Variants in MED27 observed in about 807,000 individuals in gnomAD.
The protein encoded by MED27 is mediator complex subunit 27.
In MED27, 30 loss-of-function variants were observed where a neutral mutation model predicts 38.2. That is an observed-to-expected ratio of 0.79 (90% CI 0.59 to 1.07). The LOEUF is 1.07. Ranked by LOEUF, MED27 falls within the 50% of genes least tolerant of loss-of-function variation. The pLI is 0.00. For missense variants in MED27, 289 were observed against 397.5 expected, an observed-to-expected ratio of 0.73 and a Z score of 2.32; for synonymous variants, 122 against 153.5, an observed-to-expected ratio of 0.79 and a Z score of 1.52.
At chr9:131,923,401 G>C (rs1188792706) in intron 4 of MED27, among the ~76,000 whole-genome samples, 1 of 152,086 alleles carries the variant, frequency 6.6e-6, no homozygotes, top group Non-Finnish European at 1.5e-5. Context: ...TGAAAAACCA[G>C]CCAACCAACT....
In MED27 at chr9:131,944,361, C is replaced by T. The variant is rs552996248; in HGVS notation, c.480-4887G>A. ...GGCAACCCCTTGCATTGCCTGACGT[C>T]TGATTGTTTCAAATCCACTTACTAG... On this transcript the variant is annotated intron_variant, in intron 3 of 7. Transcript: ENST00000292035. Among the ~76,000 whole-genome samples, 68 of 152,238 alleles carry T rather than the reference C, an allele frequency of 4.5e-4. No homozygotes were observed. In the South Asian group the frequency reaches 0.014, roughly 32 times the overall value.
chr9:132,047,821 G>A (rs1404360078), intron 2 of MED27, among the ~76,000 whole-genome samples: 2 of 152,156 alleles, frequency 1.3e-5, no homozygotes, highest in Non-Finnish European at 2.9e-5. Context: ...GAAACAGGGT[G>A]AGGCTAGTTT....
Position 131,872,651 on chromosome 9 carries a change from C to T in MED27, c.724-9511G>A, listed in dbSNP as rs1290042907. Among the ~76,000 whole-genome samples the T allele has an allele frequency of 6.6e-6, 1 of 151,218 alleles. No individual in the cohort carries two copies. Among genetic ancestry groups the T allele is most frequent in the African/African-American group, 2.5e-5 (1 of 40,560 alleles). ...TCCCTGCTGGCCCTCGGTAGAAGAG[C>T]GTGGGGAGGCTGGGGTGGGGCTGGG... On this transcript the variant is annotated intron_variant, in intron 6 of 7. Transcript: ENST00000292035. The surrounding 1 kb of genome is among the most constrained non-coding windows in gnomAD (Gnocchi z 5.6).
In MED27 at chr9:132,079,836, G is replaced by A; in HGVS notation, c.9C>T (p.Asp3=). Residue 3 remains aspartate (D), a synonymous_variant, in exon 1 of 8, where the codon GAC becomes GAT. Transcript: ENST00000292035. MA[D]VINVSVNLEA... is the part of the protein sequence containing the mutation. The stretch of plus-strand genomic sequence containing the variant: ...CCAGGTTCACACTGACATTTATCAC[G>A]TCCGCCATGTTGCCGCCGCCACAGC... The A allele has an allele frequency of 1.9e-6, 3 of 1,585,918 alleles. No individual in the cohort carries two copies. Among genetic ancestry groups the A allele is most frequent in the Non-Finnish European group, 1.7e-6 (2 of 1,165,700 alleles).
chr9:131,867,251 G>A (rs910052475), intron 6 of MED27, among the ~76,000 whole-genome samples: 2 of 152,140 alleles, frequency 1.3e-5, no homozygotes, highest in Non-Finnish European at 2.9e-5. Flanking sequence ...TGAAAGGAGT[G>A]GGGACTGCGG....
At chr9:132,049,583 C>T (rs959612168) in intron 2 of MED27, among the ~76,000 whole-genome samples, 1 of 152,130 alleles carries the variant, frequency 6.6e-6, no homozygotes, top group Non-Finnish European at 1.5e-5. Flanking sequence ...AAGGGACAGG[C>T]TGGCAAGGTC....
chr9:131,933,175 A>G (rs114770510), intron 4 of MED27, among the ~76,000 whole-genome samples: 3,044 of 152,286 alleles, frequency 0.02, 109 homozygotes, highest in African/African-American at 0.069. Flanking sequence ...GAATGGGGAA[A>G]AAATGAAAGC....
chr9:131,911,193 G>T (rs541803556), intron 4 of MED27, among the ~76,000 whole-genome samples: 3 of 152,182 alleles, frequency 2.0e-5, no homozygotes, highest in Admixed American at 6.5e-5. Flanking sequence ...TATTAAGGAT[G>T]AGCAAGTGAT....
At chr9:131,971,240 GA>G (rs1284336865) in intron 3 of MED27, among the ~76,000 whole-genome samples, 2 of 152,224 alleles carry the variant, frequency 1.3e-5, no homozygotes, top group Non-Finnish European at 2.9e-5. Flanking sequence ...ATGCTGGGAA[GA>G]AGGACACCTG....
chr9:131,988,966 C>T (rs1446344570), intron 3 of MED27, among the ~76,000 whole-genome samples: 2 of 152,184 alleles, frequency 1.3e-5, no homozygotes, highest in African/African-American at 4.8e-5. Context: ...TTTACTTTAA[C>T]CAAGTGCAGA....
chr9:131,918,062 T>C (rs969499282), intron 4 of MED27, among the ~76,000 whole-genome samples: 1 of 152,220 alleles, frequency 6.6e-6, no homozygotes, highest in African/African-American at 2.4e-5. Flanking sequence ...GAGGTGGAAT[T>C]GCCTTCTCCA....
intron 6 of MED27, among the ~76,000 whole-genome samples, chr9:131,881,870 T>A (rs1049973752): frequency 7.2e-6 from 1 of 139,466 alleles, no homozygotes; most frequent in Non-Finnish European, 1.5e-5. Flanking sequence ...AGTGGCTCAC[T>A]GCAACCTCCC....
chr9:131,863,306 G>T (rs1315733240), intron 6 of MED27, among the ~76,000 whole-genome samples, 166 bp from the exon 7 acceptor site: 1 of 152,204 alleles, frequency 6.6e-6, no homozygotes, highest in Non-Finnish European at 1.5e-5. Flanking sequence ...CAGAGTTGGG[G>T]ACCCAGAGGG....
At position 131,883,925 on chromosome 9, in the gene MED27, G is replaced by T; in HGVS notation, c.723+133C>A. The T allele has an allele frequency of 1.4e-6, 1 of 725,220 alleles. No individual in the cohort carries two copies. The allele number at this position is 725,220 out of a possible 1,614,324, so 44.9% of individuals were successfully genotyped here. On this transcript the variant is annotated intron_variant, in intron 6 of 7. Transcript: ENST00000292035. This position sits in a 1 kb window ranked among gnomAD's most constrained non-coding sequence, Gnocchi z 4.2. ...CCAGAATGTCATACATATGGAATCA[G>T]ACAGTGAGCATCCTTTTCTGTCTGG...
At chr9:132,025,949 G>C (rs1173810750) in intron 2 of MED27, among the ~76,000 whole-genome samples, 1 of 152,170 alleles carries the variant, frequency 6.6e-6, no homozygotes, top group Non-Finnish European at 1.5e-5. Flanking sequence ...AGAAAAGATA[G>C]ACAAGTCAAA....
intron 3 of MED27, among the ~76,000 whole-genome samples, chr9:132,001,113 G>GA (rs963263220): frequency 2.0e-5 from 3 of 149,594 alleles, no homozygotes; most frequent in South Asian, 2.1e-4. Flanking sequence ...GAGAAAAAAA[G>GA]AAAAAAAAAG....
At chr9:131,876,609 GC>G (rs1838937365) in intron 6 of MED27, among the ~76,000 whole-genome samples, 1 of 152,142 alleles carries the variant, frequency 6.6e-6, no homozygotes, top group Non-Finnish European at 1.5e-5. Flanking sequence ...GACCCTCCCT[GC>G]GGCTCTCAGC....
At chr9:131,960,244 C>A (rs1831187997) in intron 3 of MED27, among the ~76,000 whole-genome samples, 2 of 152,096 alleles carry the variant, frequency 1.3e-5, no homozygotes, top group Admixed American at 6.6e-5. Context: ...ATTTCAGACA[C>A]CCACTCTTGT....
chr9:131,909,768 A>T (rs1830154528), intron 4 of MED27, among the ~76,000 whole-genome samples: 1 of 152,194 alleles, frequency 6.6e-6, no homozygotes, highest in African/African-American at 2.4e-5. Flanking sequence ...CAACCAAACA[A>T]CACTGTTTGG....
Sources: allele counts gnomAD v4.1 joint callset (sites outside exome capture counted in the v4.1 genomes callset), GRCh38; gene constraint gnomAD v4.1.1; non-coding constraint Gnocchi (gnomAD v3.1); transcripts MANE v1.5; gene names NCBI Gene and HGNC (gene_info 2026-07-23, HGNC 2026-07-21).